COL5A1: variants seen among roughly 807,000 people sequenced by gnomAD.
The protein encoded by COL5A1 is collagen type V alpha 1 chain, also known as collagen alpha-1(V) chain.
COL5A1 carries 16 observed loss-of-function variants against 263.7 expected under a neutral mutation model. The ratio of observed to expected loss-of-function variants is 0.06; its 90% CI spans 0.04 to 0.09. COL5A1 has a LOEUF of 0.09. COL5A1 is among the 10% of genes least tolerant of loss of function. The pLI is 1.00. For synonymous variants in COL5A1, 1,012 were observed against 1,004.5 expected, an observed-to-expected ratio of 1.01 and a Z score of -0.14; for missense variants, 2,036 against 2,540.5, an observed-to-expected ratio of 0.80 and a Z score of 4.27.
At chr9:134,719,069 T>C (rs754410347) in intron 4 of COL5A1, among the ~76,000 whole-genome samples, 1 of 151,810 alleles carries the variant, frequency 6.6e-6, no homozygotes, top group Non-Finnish European at 1.5e-5. Context: ...GGAAGTGGGG[T>C]GGGCTTAGGA....
At position 134,820,230 on chromosome 9, in the gene COL5A1, G is replaced by C. The variant is rs200044622; in HGVS notation, c.4554+7G>C. 1.2e-6 allele frequency: 2 copies of C among 1,608,250 alleles called. No individual in the cohort carries two copies. The highest frequency in any genetic ancestry group is 4.5e-5 in the East Asian group (2 of 44,842). On this transcript the variant is annotated splice_region_variant and intron_variant, in intron 58 of 65. Transcript: ENST00000371817. Reference sequence around the variant, plus strand: ...CGGTCCTAAGGGAGAACAGGTGCGTGAGATGGCACTTCTTGCATGTGGGCT... The same window carrying C: ...CGGTCCTAAGGGAGAACAGGTGCGTCAGATGGCACTTCTTGCATGTGGGCT...
At chr9:134,804,525 C>A (rs1431632304) in intron 39 of COL5A1, among the ~76,000 whole-genome samples, 1 of 152,190 alleles carries the variant, frequency 6.6e-6, no homozygotes. Context: ...TAGACGTGCC[C>A]TCAGCTCCCA....
intron 37 of COL5A1, among the ~76,000 whole-genome samples, chr9:134,800,649 G>T (rs958562403): frequency 2.0e-5 from 3 of 150,246 alleles, no homozygotes; most frequent in Non-Finnish European, 3.0e-5. Flanking sequence ...GGAGGCTGAG[G>T]CAGGAGAATC....
At chr9:134,718,736 GC>G (rs1296164186) in intron 4 of COL5A1, among the ~76,000 whole-genome samples, 5 of 152,190 alleles carry the variant, frequency 3.3e-5, no homozygotes, top group Admixed American at 3.3e-4. Flanking sequence ...GACTGTGGGG[GC>G]TGCAGGCAGA....
chr9:134,828,181 G>A (rs181011689), intron 63 of COL5A1, among the ~76,000 whole-genome samples: 21 of 152,218 alleles, frequency 1.4e-4, no homozygotes, highest in Admixed American at 8.5e-4. Flanking sequence ...GGGACCCAGC[G>A]TGCAGGTCTC....
At position 134,805,227 on chromosome 9, in the gene COL5A1, C is replaced by T. The variant is rs1490942138; in HGVS notation, c.3258+13C>T. ...ACCAGGCCCTGCGGTGAGTCAAAGC[C>T]TTTGTCCCATCCTCTTTCTTGAATC... On this transcript the variant is annotated intron_variant, in intron 41 of 65. Transcript: ENST00000371817. 2 of 1,613,782 alleles carry T rather than the reference C, an allele frequency of 1.2e-6. No individual in the cohort carries two copies. The highest frequency in any genetic ancestry group is 2.2e-5 in the South Asian group (2 of 91,088).
intron 37 of COL5A1, among the ~76,000 whole-genome samples, chr9:134,799,803 T>C (rs985273439): frequency 3.9e-5 from 6 of 152,270 alleles, no homozygotes; most frequent in Non-Finnish European, 5.9e-5. Flanking sequence ...CATATTTTTC[T>C]CTAATGCCTT....
intron 19 of COL5A1, 118 bp downstream of exon 19, chr9:134,762,096 C>T: frequency 2.0e-6 from 2 of 1,022,320 alleles, no homozygotes; most frequent in Non-Finnish European, 3.0e-6. Context: ...TGTGGAGGGC[C>T]AGCTGGGAGA....
intron 9 of COL5A1, chr9:134,732,571 T>C: frequency 3.8e-6 from 1 of 265,674 alleles, no homozygotes; most frequent in Non-Finnish European, 7.3e-6. Flanking sequence ...GCGTCTGTTA[T>C]GCAACCGTTT....
intron 42 of COL5A1, among the ~76,000 whole-genome samples, chr9:134,807,355 G>A (rs536865737): frequency 7.8e-4 from 119 of 152,246 alleles, no homozygotes; most frequent in African/African-American, 1.9e-3. Flanking sequence ...GTGCAGTGGC[G>A]CAATCTCGGC....
intron 37 of COL5A1, 81 bp downstream of exon 37, chr9:134,798,542 C>T (rs1239158854): frequency 2.5e-5 from 34 of 1,374,970 alleles, no homozygotes; most frequent in Non-Finnish European, 2.8e-5. Context: ...CGCTGCCCAG[C>T]GCCATCTAGG....
At chr9:134,654,576 T>C (rs955768221) in intron 1 of COL5A1, among the ~76,000 whole-genome samples, 17 of 107,898 alleles carry the variant, frequency 1.6e-4, no homozygotes, top group Non-Finnish European at 3.0e-4. Flanking sequence ...TGTGTAGGGC[T>C]GGGGGTGTGT....
rs768205756 is a variant in COL5A1 at position 134,642,231 on chromosome 9, C to T, written c.44C>T (p.Pro15Leu). ...TGGAAAGCGCGCAGCGCGCTCCGCC[C>T]GGGCGCCCCGCTGCTGCCCCCGCTG... ...TRWKARSALR[P>L]GAPLLPPLLL... Residue 15 changes from proline (P) to leucine (L), a missense_variant, in exon 1 of 66, where the codon CCG becomes CTG. Physicochemically the swap from Pro to Leu is moderately conservative, Grantham distance 98 (BLOSUM62 -3). Coordinates refer to ENST00000371817, the MANE Select transcript of COL5A1 (RefSeq NM_000093.5). This position sits in a 1 kb window ranked among gnomAD's most constrained non-coding sequence, Gnocchi z 4.5. 3 of 1,295,804 alleles carry T rather than the reference C, an allele frequency of 2.3e-6. No individual in the cohort carries two copies. The highest frequency in any genetic ancestry group is 2.3e-5 in the South Asian group (1 of 43,306). The allele number at this position is 1,295,804 out of a possible 1,614,324, so 80.3% of individuals were successfully genotyped here.
intron 1 of COL5A1, among the ~76,000 whole-genome samples, chr9:134,668,467 T>C (rs532951230): frequency 7.5e-5 from 10 of 132,750 alleles, no homozygotes; most frequent in African/African-American, 2.9e-4. Flanking sequence ...CCAGGTAGGG[T>C]AGCAGGAGAG....
intron 28 of COL5A1, among the ~76,000 whole-genome samples, chr9:134,781,044 G>T (rs901128935): frequency 1.3e-5 from 2 of 152,270 alleles, no homozygotes; most frequent in African/African-American, 4.8e-5. Context: ...GTGCTGGCGT[G>T]ATGGTCCACG....
At chr9:134,831,905 G>A (rs1489964627) in intron 64 of COL5A1, among the ~76,000 whole-genome samples, 6 of 152,142 alleles carry the variant, frequency 3.9e-5, no homozygotes, top group South Asian at 2.1e-4. Flanking sequence ...ATCTTTCCAC[G>A]GCCTTATTTC....
Position 134,755,615 on chromosome 9 carries a change from C to T in COL5A1, c.1828-1150C>T, listed in dbSNP as rs145057669. ...ATTGTAGAAGCATCTGGGTGCTTTGCGGGGCTGAGTTGTGCTGTGAAATCC... is the reference window on the plus strand; with the variant it reads ...ATTGTAGAAGCATCTGGGTGCTTTGTGGGGCTGAGTTGTGCTGTGAAATCC... On this transcript the variant is annotated intron_variant, in intron 16 of 65. Coordinates refer to ENST00000371817, the MANE Select transcript of COL5A1 (RefSeq NM_000093.5). This position sits in a 1 kb window ranked among gnomAD's most constrained non-coding sequence, Gnocchi z 4.1. Among the ~76,000 whole-genome samples the T allele has an allele frequency of 2.6e-5, 4 of 152,336 alleles. No homozygotes were observed. The highest frequency in any genetic ancestry group is 4.8e-5 in the African/African-American group (2 of 41,582).
intron 11 of COL5A1, among the ~76,000 whole-genome samples, chr9:134,744,669 G>T (rs908733280): frequency 2.1e-5 from 3 of 141,160 alleles, no homozygotes; most frequent in African/African-American, 5.4e-5. Context: ...TCACACACAT[G>T]CACACACATT....
intron 4 of COL5A1, among the ~76,000 whole-genome samples, chr9:134,702,420 C>G (rs988947313): frequency 2.0e-5 from 3 of 151,960 alleles, no homozygotes; most frequent in African/African-American, 7.3e-5. Context: ...GTCTACACAT[C>G]GGTTCTGCAT....
Sources: allele counts gnomAD v4.1 joint callset (sites outside exome capture counted in the v4.1 genomes callset), GRCh38; gene constraint gnomAD v4.1.1; non-coding constraint Gnocchi (gnomAD v3.1); transcripts MANE v1.5; gene names NCBI Gene and HGNC (gene_info 2026-07-23, HGNC 2026-07-21).